CACNB2: variants seen among roughly 807,000 people sequenced by gnomAD.
CACNB2 encodes the protein voltage-dependent L-type calcium channel subunit beta-2.
CACNB2 carries 42 observed loss-of-function variants against 73.3 expected under a neutral mutation model. The ratio of observed to expected loss-of-function variants is 0.57; its 90% CI spans 0.45 to 0.74. The LOEUF (loss-of-function observed/expected upper bound fraction) is 0.74. Among genes scored for constraint, CACNB2 ranks in the 30% least tolerant of loss-of-function variants. The probability of loss-of-function intolerance (pLI) is 0.00; values close to 1 mark genes in which losing one functional copy is unlikely to be tolerated. For missense variants in CACNB2, 940 were observed against 853.0 expected, an observed-to-expected ratio of 1.10 and a Z score of -1.27; for synonymous variants, 348 against 310.3, an observed-to-expected ratio of 1.12 and a Z score of -1.28.
rs538190192 is a variant in CACNB2, at chr10:18,412,775, G to A, written c.333+10732G>A. ...CATTCAACCAAATGCTCAGGCCTTG[G>A]CCTCCTGATGTTTGTTGCTTTAGGC... On this transcript the variant is annotated intron_variant, in intron 3 of 13. Coordinates refer to ENST00000324631, the MANE Select transcript of CACNB2 (RefSeq NM_201596.3). Among the ~76,000 whole-genome samples the A allele has an allele frequency of 2.0e-5, 3 of 152,256 alleles. No individual in the cohort carries two copies. In the East Asian group the frequency reaches 5.8e-4, roughly 29 times the overall value.
In CACNB2 at chr10:18,275,804, A is replaced by G. The variant is rs570889271; in HGVS notation, c.213+124829A>G. Reference sequence around the variant, plus strand: ...TAAACTGCATAGAATAACACAATCAATGTTTTATTAATAGTTTCTAAATTA... The same window carrying G: ...TAAACTGCATAGAATAACACAATCAGTGTTTTATTAATAGTTTCTAAATTA... On this transcript the variant is annotated intron_variant, in intron 2 of 13. Coordinates refer to ENST00000324631, the MANE Select transcript of CACNB2 (RefSeq NM_201596.3). Among the ~76,000 whole-genome samples, 10 of 152,308 alleles carry G rather than the reference A, an allele frequency of 6.6e-5. No individual in the cohort carries two copies. In the South Asian group the frequency reaches 2.1e-3, roughly 32 times the overall value.
chr10:18,172,267 G>T (rs1469051275), intron 2 of CACNB2, among the ~76,000 whole-genome samples: 5 of 152,184 alleles, frequency 3.3e-5, no homozygotes, highest in Non-Finnish European at 5.9e-5. Context: ...AGGAGGCTGA[G>T]GTGGGAGGAT....
intron 10 of CACNB2, among the ~76,000 whole-genome samples, chr10:18,531,628 AAC>A (rs1350609829): frequency 3.3e-5 from 5 of 152,202 alleles, no homozygotes; most frequent in African/African-American, 1.2e-4. Context: ...CACTCCCATC[AAC>A]AGTGTATAAG....
intron 3 of CACNB2, among the ~76,000 whole-genome samples, chr10:18,451,573 T>C (rs78571445): frequency 0.029 from 4,469 of 152,320 alleles, 80 homozygotes; most frequent in East Asian, 0.092. Flanking sequence ...GGCTGTGTTT[T>C]TCCGATAAAC....
At position 18,432,450 on chromosome 10, in the gene CACNB2, CTGTGTGTGTG is replaced by C. The variant is rs57188373; in HGVS notation, c.333+30429_333+30438del. Among the ~76,000 whole-genome samples, 112 of 150,620 alleles carry C rather than the reference CTGTGTGTGTG, an allele frequency of 7.4e-4. 1 individual carries two copies. The highest frequency in any genetic ancestry group is 2.6e-3 in the African/African-American group (106 of 41,112). On this transcript the variant is annotated intron_variant, in intron 3 of 13. Coordinates refer to ENST00000324631, the MANE Select transcript of CACNB2 (RefSeq NM_201596.3). Reference sequence around the variant, plus strand: ...TGTGGAGGGATGGATGTGTGTGTCTCTGTGTGTGTGTGTGTGTGTGTGTGTGTGTGTCCCT... The same window carrying C: ...TGTGGAGGGATGGATGTGTGTGTCTCTGTGTGTGTGTGTGTGTGTGTCCCT...
At chr10:18,375,203 C>T (rs1260594213) in intron 2 of CACNB2, among the ~76,000 whole-genome samples, 1 of 151,990 alleles carries the variant, frequency 6.6e-6, no homozygotes, top group Non-Finnish European at 1.5e-5. Context: ...AGAGCAAGAC[C>T]CTGTCTCAAA....
intron 2 of CACNB2, among the ~76,000 whole-genome samples, chr10:18,393,521 GAA>G (rs1455720561): frequency 6.6e-6 from 1 of 152,140 alleles, no homozygotes; most frequent in African/African-American, 2.4e-5. Flanking sequence ...TTAAAAAAAT[GAA>G]AGTCACATGT....
intron 2 of CACNB2, among the ~76,000 whole-genome samples, chr10:18,400,350 T>G (rs970248354): frequency 2.0e-5 from 3 of 152,230 alleles, no homozygotes; most frequent in Non-Finnish European, 4.4e-5. Flanking sequence ...TCTCATGCTT[T>G]GTTTTTGAGA....
intron 5 of CACNB2, among the ~76,000 whole-genome samples, chr10:18,504,726 C>A (rs180794000): frequency 2.0e-5 from 3 of 152,104 alleles, no homozygotes; most frequent in Non-Finnish European, 4.4e-5. Flanking sequence ...CTCACTGCAA[C>A]CTCCGCCTCC....
chr10:18,323,796 G>A (rs1270993210), intron 2 of CACNB2, among the ~76,000 whole-genome samples: 2 of 152,182 alleles, frequency 1.3e-5, no homozygotes, highest in African/African-American at 4.8e-5. Context: ...GTTGTTAATA[G>A]ATTTTCCTAT....
At chr10:18,350,502 C>T (rs2041662480) in intron 2 of CACNB2, among the ~76,000 whole-genome samples, 1 of 152,188 alleles carries the variant, frequency 6.6e-6, no homozygotes, top group South Asian at 2.1e-4. Context: ...CTGGTGACTG[C>T]ACTTTCTAAT....
At chr10:18,530,023 G>A (rs1012553114) in intron 10 of CACNB2, among the ~76,000 whole-genome samples, 1 of 152,132 alleles carries the variant, frequency 6.6e-6, no homozygotes, top group South Asian at 2.1e-4. Context: ...ATGTGCAGGG[G>A]AACTCCCCTT....
chr10:18,477,794 G>A (rs2048515042), intron 3 of CACNB2, among the ~76,000 whole-genome samples: 1 of 152,224 alleles, frequency 6.6e-6, no homozygotes, highest in Non-Finnish European at 1.5e-5. Flanking sequence ...ACAAAGATAA[G>A]ATGGACACAG....
chr10:18,449,522 G>C (rs2046913617), intron 3 of CACNB2, among the ~76,000 whole-genome samples: 1 of 152,220 alleles, frequency 6.6e-6, no homozygotes, highest in South Asian at 2.1e-4. Flanking sequence ...GAGGGGGTTT[G>C]CTAAGAACCG....
intron 2 of CACNB2, among the ~76,000 whole-genome samples, chr10:18,159,254 C>G (rs1281098965): frequency 6.6e-6 from 1 of 152,150 alleles, no homozygotes; most frequent in African/African-American, 2.4e-5. Context: ...CTCTATGCTC[C>G]TGCCGCGTAT....
intron 3 of CACNB2, among the ~76,000 whole-genome samples, chr10:18,427,904 T>A (rs1310572976): frequency 1.3e-5 from 2 of 152,142 alleles, no homozygotes; most frequent in African/African-American, 2.4e-5. Context: ...TCTTTTTAAA[T>A]TTGGTTCTAA....
At chr10:18,384,180 A>G (rs1239571706) in intron 2 of CACNB2, among the ~76,000 whole-genome samples, 3 of 152,204 alleles carry the variant, frequency 2.0e-5, no homozygotes, top group East Asian at 3.8e-4. Flanking sequence ...CCGAAGATCA[A>G]TAGGACCAGC....
intron 2 of CACNB2, among the ~76,000 whole-genome samples, chr10:18,369,560 A>G (rs975954946): frequency 6.6e-6 from 1 of 152,176 alleles, no homozygotes. Flanking sequence ...TTAAGAAGAT[A>G]TATTTCCTTA....
At chr10:18,329,002 G>A (rs1331553585) in intron 2 of CACNB2, among the ~76,000 whole-genome samples, 1 of 152,198 alleles carries the variant, frequency 6.6e-6, no homozygotes, top group African/African-American at 2.4e-5. Flanking sequence ...TACACTTGGA[G>A]AACCCCTCAC....
Sources: gnomAD v4.1 joint callset for allele counts (sites outside exome capture counted in the v4.1 genomes callset) on GRCh38, gnomAD v4.1.1 for gene constraint, MANE v1.5 for transcripts, NCBI Gene and HGNC (gene_info 2026-07-23, HGNC 2026-07-21) for gene names.